Variants in ABCB1 observed in about 807,000 individuals in gnomAD.
ABCB1 encodes ATP binding cassette subfamily B member 1, also known as ATP-dependent translocase ABCB1.
A neutral mutation model predicts 142.0 loss-of-function variants in ABCB1; 69 were observed. That is an observed-to-expected ratio of 0.49 (90% CI 0.40 to 0.59). ABCB1 has a LOEUF of 0.59. Ranked by LOEUF, ABCB1 falls within the 20% of genes least tolerant of loss-of-function variation. The probability of loss-of-function intolerance (pLI) is 0.00; values close to 1 mark genes in which losing one functional copy is unlikely to be tolerated. For missense variants in ABCB1, 1,326 were observed against 1,554.7 expected, an observed-to-expected ratio of 0.85 and a Z score of 2.47; for synonymous variants, 532 against 539.2, an observed-to-expected ratio of 0.99 and a Z score of 0.18.
At chr7:87,610,013 G>A (rs4148731) in intron 1 of ABCB1, among the ~76,000 whole-genome samples, 7,366 of 152,088 alleles carry the variant, frequency 0.048, 257 homozygotes, top group East Asian at 0.087. Flanking sequence ...TTAATTTATC[G>A]CATGACCTTT....
At chr7:87,571,051 T>C (rs1311491070) in intron 4 of ABCB1, among the ~76,000 whole-genome samples, 1 of 152,208 alleles carries the variant, frequency 6.6e-6, no homozygotes, top group Non-Finnish European at 1.5e-5. Context: ...GTTATAAATG[T>C]ACAAAGAGTA....
intron 1 of ABCB1, among the ~76,000 whole-genome samples, chr7:87,660,800 G>A (rs1824625759): frequency 6.6e-6 from 1 of 151,652 alleles, no homozygotes; most frequent in African/African-American, 2.4e-5. Context: ...ATTTCTACTT[G>A]TTCTGATCAT....
intron 12 of ABCB1, 33 bp downstream of exon 12, chr7:87,550,138 A>G: frequency 1.2e-6 from 2 of 1,614,180 alleles, no homozygotes; most frequent in Non-Finnish European, 1.7e-6. Flanking sequence ...ACTGCTGATC[A>G]CCGCAGGGTC....
At chr7:87,622,911 G>A (rs1298538802) in intron 1 of ABCB1, among the ~76,000 whole-genome samples, 2 of 152,092 alleles carry the variant, frequency 1.3e-5, no homozygotes, top group African/African-American at 4.8e-5. Context: ...CTGTGGTGGT[G>A]CATGCCTGTA....
intron 1 of ABCB1, among the ~76,000 whole-genome samples, chr7:87,634,480 G>A (rs1163570108): frequency 3.8e-5 from 5 of 131,290 alleles, no homozygotes; most frequent in East Asian, 4.8e-4. Context: ...ACAGTCAGGC[G>A]TGGTGGTGGG....
At chr7:87,548,504 T>C (rs956471495) in intron 14 of ABCB1, among the ~76,000 whole-genome samples, 32 of 152,340 alleles carry the variant, frequency 2.1e-4, no homozygotes, top group African/African-American at 7.2e-4. Flanking sequence ...GCTGCTTTTT[T>C]TCTCTCTCAA....
rs536537329 is a variant in ABCB1, at chr7:87,560,401, T to C, written c.827+862A>G. Among the ~76,000 whole-genome samples, 44 of 152,290 alleles carry C rather than the reference T, an allele frequency of 2.9e-4. 1 individual carries two copies. The highest frequency in any genetic ancestry group is 2.9e-3 in the East Asian group (15 of 5,192). ...AAAAAAATTATGCAATGAATACTCA[T>C]GTAAGTATACCTGAGATCAAGAAAC... On this transcript the variant is annotated intron_variant, in intron 8 of 27. Coordinates refer to ENST00000622132, the MANE Select transcript of ABCB1 (RefSeq NM_001348946.2).
chr7:87,592,681 T>C (rs1002682292), intron 3 of ABCB1, among the ~76,000 whole-genome samples: 1 of 152,204 alleles, frequency 6.6e-6, no homozygotes, highest in East Asian at 1.9e-4. Context: ...TTAACTTCTC[T>C]AAGTCAAGTT....
At chr7:87,641,336 T>G (rs1261988148) in intron 1 of ABCB1, among the ~76,000 whole-genome samples, 1 of 152,208 alleles carries the variant, frequency 6.6e-6, no homozygotes, top group African/African-American at 2.4e-5. Flanking sequence ...CACTTTGCTT[T>G]ACTAGTGTTC....
At chr7:87,615,261 C>T (rs1819997617) in intron 1 of ABCB1, among the ~76,000 whole-genome samples, 1 of 152,216 alleles carries the variant, frequency 6.6e-6, no homozygotes, top group African/African-American at 2.4e-5. Flanking sequence ...AGAGTAAGGG[C>T]TTCCTCAATA....
At chr7:87,579,067 GA>G (rs1170403402) in intron 4 of ABCB1, among the ~76,000 whole-genome samples, 6 of 152,140 alleles carry the variant, frequency 3.9e-5, no homozygotes, top group African/African-American at 1.4e-4. Context: ...GTTGTATGTT[GA>G]TTTTGTATCT....
intron 3 of ABCB1, among the ~76,000 whole-genome samples, chr7:87,590,115 T>C (rs1248188904): frequency 6.6e-6 from 1 of 152,204 alleles, no homozygotes; most frequent in Admixed American, 6.5e-5. Context: ...TATGTGAATA[T>C]TTTAAAATAT....
chr7:87,664,735 T>A (rs1177824743), intron 1 of ABCB1, among the ~76,000 whole-genome samples: 4 of 152,062 alleles, frequency 2.6e-5, no homozygotes, highest in Non-Finnish European at 5.9e-5. Context: ...ATTTAAAAAT[T>A]TATAGCAAAA....
chr7:87,574,954 A>C (rs1818212797), intron 4 of ABCB1, among the ~76,000 whole-genome samples: 1 of 152,178 alleles, frequency 6.6e-6, no homozygotes, highest in Admixed American at 6.5e-5. Flanking sequence ...AGCATATTCA[A>C]AAAATTTACG....
At chr7:87,552,315 T>A (rs1817107607) in intron 9 of ABCB1, among the ~76,000 whole-genome samples, 1 of 152,228 alleles carries the variant, frequency 6.6e-6, no homozygotes, top group Non-Finnish European at 1.5e-5. Flanking sequence ...AGAAGGAACT[T>A]TGCTAAGTGA....
At chr7:87,571,692 T>C (rs554688093) in intron 4 of ABCB1, among the ~76,000 whole-genome samples, 1 of 152,122 alleles carries the variant, frequency 6.6e-6, no homozygotes, top group Non-Finnish European at 1.5e-5. Flanking sequence ...AGAGGAGAGA[T>C]TATTAGTTTG....
chr7:87,629,733 T>G (rs1821009372), intron 1 of ABCB1, among the ~76,000 whole-genome samples: 1 of 152,030 alleles, frequency 6.6e-6, no homozygotes, highest in Admixed American at 6.6e-5. Context: ...GAGACCAGCC[T>G]GGCCAACATA....
At chr7:87,680,063 T>A (rs1826775218) in intron 1 of ABCB1, among the ~76,000 whole-genome samples, 1 of 150,400 alleles carries the variant, frequency 6.6e-6, no homozygotes, top group Non-Finnish European at 1.5e-5. Context: ...TATATGACGT[T>A]CCCCACCCTG....
chr7:87,560,941 A>T (rs969682381), intron 8 of ABCB1, among the ~76,000 whole-genome samples: 2 of 152,192 alleles, frequency 1.3e-5, no homozygotes, highest in African/African-American at 4.8e-5. Flanking sequence ...TAGATCTTAC[A>T]CAAAATACTC....
Sources: allele counts gnomAD v4.1 joint callset (sites outside exome capture counted in the v4.1 genomes callset), GRCh38; gene constraint gnomAD v4.1.1; transcripts MANE v1.5; gene names NCBI Gene and HGNC (gene_info 2026-07-23, HGNC 2026-07-21).